The following SLC23A2 variants were observed in gnomAD, a reference collection of about 807,000 sequenced individuals.
SLC23A2 encodes Na(+)/L-ascorbic acid transporter 2.
Under a neutral mutation model 73.3 loss-of-function variants are expected in SLC23A2, and 36 were observed. That is an observed-to-expected ratio of 0.49 (90% CI 0.38 to 0.65). SLC23A2 has a LOEUF of 0.65. Ranked by LOEUF, SLC23A2 falls within the 30% of genes least tolerant of loss-of-function variation. The pLI, the probability that SLC23A2 is intolerant of heterozygous loss-of-function variation, is 0.00. For synonymous variants in SLC23A2, 343 were observed against 327.3 expected (o/e 1.05, Z -0.52); for missense variants, 507 against 841.6 (o/e 0.60, Z 4.92).
intron 9 of SLC23A2, among the ~76,000 whole-genome samples, chr20:4,878,928 T>A (rs1930765972): frequency 1.3e-5 from 2 of 152,236 alleles, no homozygotes; most frequent in African/African-American, 4.8e-5. Flanking sequence ...TCCTCTCTGA[T>A]CTTTTTGGTA....
chr20:4,992,081 G>T (rs1387988386), intron 1 of SLC23A2, among the ~76,000 whole-genome samples: 1 of 152,136 alleles, frequency 6.6e-6, no homozygotes, highest in East Asian at 1.9e-4. Context: ...TTACACTCAA[G>T]CCTGGGGGAC....
In SLC23A2 at chr20:4,996,187, G is replaced by A. The variant is rs1237238315; in HGVS notation, c.-282+5219C>T. On this transcript the variant is annotated intron_variant, in intron 1 of 16. Transcript: ENST00000338244. Reference sequence around the variant, plus strand: ...ACATGGGGCTCTCTTGTCTTTCTAGGGTCCCTTCTATTGCTTGGAGAGGGT... The same window carrying A: ...ACATGGGGCTCTCTTGTCTTTCTAGAGTCCCTTCTATTGCTTGGAGAGGGT... Among the ~76,000 whole-genome samples the A allele has an allele frequency of 3.9e-5, 6 of 152,144 alleles. No individual in the cohort carries two copies. The South Asian group carries it at 8.3e-4, about 21-fold the overall frequency.
At chr20:4,876,116 A>G (rs1309930731) in intron 9 of SLC23A2, among the ~76,000 whole-genome samples, 1 of 152,220 alleles carries the variant, frequency 6.6e-6, no homozygotes, top group Non-Finnish European at 1.5e-5. Context: ...GGGATAGTGA[A>G]GTTTAACAAA....
intron 1 of SLC23A2, among the ~76,000 whole-genome samples, chr20:4,991,285 A>T (rs1357143727): frequency 6.6e-6 from 1 of 151,936 alleles, no homozygotes; most frequent in Non-Finnish European, 1.5e-5. Context: ...CACTTTAAAA[A>T]TTTTTGCAGA....
intron 2 of SLC23A2, among the ~76,000 whole-genome samples, chr20:4,965,966 C>CAAA (rs3055921): frequency 0.45 from 44,807 of 99,116 alleles, 8,562 homozygotes; most frequent in Admixed American, 0.51. Flanking sequence ...GACTCCATCT[C>CAAA]AAAAAAAAAA....
chr20:4,858,109 C>T (rs1200422693), intron 16 of SLC23A2, among the ~76,000 whole-genome samples: 1 of 152,208 alleles, frequency 6.6e-6, no homozygotes, highest in African/African-American at 2.4e-5. Flanking sequence ...CATTCACCCC[C>T]CCATCTAGAC....
At position 5,008,073 on chromosome 20, in the gene SLC23A2, C is replaced by T. The variant is rs1251033473; in HGVS notation, c.-282+2109G>A. 8.5e-5 allele frequency among the ~76,000 whole-genome samples: 13 copies of T among 152,150 alleles called. 1 individual carries two copies. In the South Asian group the frequency reaches 2.7e-3, roughly 32 times the overall value. The stretch of plus-strand genomic sequence containing the variant: ...TACAGGCATGCGCCACCACACCCGG[C>T]TAATTTTTGTATTTTTAGTAGAGAT... On this transcript the variant is annotated intron_variant, in intron 1 of 16. Transcript: ENST00000379333.
Position 4,902,678 on chromosome 20 carries a change from A to G in SLC23A2, c.208-120T>C. 1 of 569,854 alleles carries G rather than the reference A, an allele frequency of 1.8e-6. No individual in the cohort carries two copies. The highest frequency in any genetic ancestry group is 3.1e-6 in the Non-Finnish European group (1 of 319,332). The allele number at this position is 569,854 out of a possible 1,614,324, so 35.3% of individuals were successfully genotyped here. Reference sequence around the variant, plus strand: ...TATCAAGTGGTTGCCATCTTCCTGCAGTTTTGAGCCTTGGCTATCTTTGAA... The same window carrying G: ...TATCAAGTGGTTGCCATCTTCCTGCGGTTTTGAGCCTTGGCTATCTTTGAA... On this transcript the variant is annotated intron_variant, in intron 4 of 16. Coordinates refer to ENST00000338244, the MANE Select transcript of SLC23A2 (RefSeq NM_005116.6). The surrounding 1 kb of genome is among the most constrained non-coding windows in gnomAD (Gnocchi z 4.0).
chr20:4,921,690 C>T (rs1716819519), intron 3 of SLC23A2, among the ~76,000 whole-genome samples: 1 of 151,534 alleles, frequency 6.6e-6, no homozygotes, highest in South Asian at 2.1e-4. Context: ...GTTTTTCTGG[C>T]TAGTGAGATT....
At chr20:4,952,131 A>G (rs999743729) in intron 2 of SLC23A2, among the ~76,000 whole-genome samples, 6 of 150,388 alleles carry the variant, frequency 4.0e-5, no homozygotes, top group Non-Finnish European at 8.9e-5. Context: ...AAAAAAAAGA[A>G]CAAATGGAGC....
intron 4 of SLC23A2, among the ~76,000 whole-genome samples, chr20:4,906,577 G>A (rs1931963700): frequency 1.3e-5 from 2 of 152,140 alleles, no homozygotes; most frequent in African/African-American, 4.8e-5. Flanking sequence ...CCAAGATCGT[G>A]CCACTGCACT....
intron 4 of SLC23A2, among the ~76,000 whole-genome samples, chr20:4,910,980 G>A (rs1286997315): frequency 6.6e-6 from 1 of 152,134 alleles, no homozygotes; most frequent in East Asian, 1.9e-4. Context: ...GTAAAGCTAA[G>A]CCCCAAAGTG....
intron 6 of SLC23A2, among the ~76,000 whole-genome samples, chr20:4,898,980 G>A (rs972602121): frequency 1.3e-5 from 2 of 152,174 alleles, no homozygotes; most frequent in African/African-American, 2.4e-5. Flanking sequence ...GGTAGACAGC[G>A]GGCCCTTGGG....
Position 4,857,326 on chromosome 20 carries a change from ACACACACACATG to A in SLC23A2, c.1721-134_1721-123del. On this transcript the variant is annotated intron_variant, in intron 16 of 16. Transcript: ENST00000338244. The surrounding 1 kb of genome is among the most constrained non-coding windows in gnomAD (Gnocchi z 4.0). Reference sequence around the variant, plus strand: ...CACACACACACACACACACACACACACACACACACATGGTCCCACAGATCAAACCTGCCTAGA... The same window carrying A: ...CACACACACACACACACACACACACAGTCCCACAGATCAAACCTGCCTAGA... 1.5e-5 allele frequency: 8 copies of A among 550,100 alleles called. No homozygotes were observed. The South Asian group carries it at 1.8e-4, about 12-fold the overall frequency. The allele number at this position is 550,100 out of a possible 1,614,324, so 34.1% of individuals were successfully genotyped here. A position where few individuals can be genotyped will look rare whatever the true frequency, so the allele number is the denominator to read the frequency against.
intron 13 of SLC23A2, among the ~76,000 whole-genome samples, chr20:4,866,426 G>C (rs968266126): frequency 9.8e-5 from 15 of 152,340 alleles, no homozygotes; most frequent in Admixed American, 7.8e-4. Flanking sequence ...GAGTGGCATG[G>C]CTTAGGCCCC....
intron 1 of SLC23A2, among the ~76,000 whole-genome samples, chr20:4,978,616 G>T (rs1416866471): frequency 6.6e-6 from 1 of 152,180 alleles, no homozygotes. Flanking sequence ...GGGAAACAGA[G>T]TCTTATCCCC....
chr20:4,955,163 G>C (rs966565988), intron 2 of SLC23A2, among the ~76,000 whole-genome samples: 2 of 152,018 alleles, frequency 1.3e-5, no homozygotes, highest in Non-Finnish European at 2.9e-5. Flanking sequence ...TGAGGTAGGA[G>C]GACTGGCTTG....
intron 3 of SLC23A2, among the ~76,000 whole-genome samples, chr20:4,925,138 A>G (rs1932627209): frequency 6.6e-6 from 1 of 151,668 alleles, no homozygotes; most frequent in African/African-American, 2.4e-5. Flanking sequence ...AGCCATGATG[A>G]TGACACTGCA....
intron 2 of SLC23A2, among the ~76,000 whole-genome samples, chr20:4,968,279 C>A (rs1021586060): frequency 6.6e-6 from 1 of 152,120 alleles, no homozygotes; most frequent in African/African-American, 2.4e-5. Flanking sequence ...GATGCCACTA[C>A]GGAGGTCCAG....
Sources: gnomAD v4.1 joint callset for allele counts (sites outside exome capture counted in the v4.1 genomes callset) on GRCh38, gnomAD v4.1.1 for gene constraint, Gnocchi (gnomAD v3.1) non-coding constraint, MANE v1.5 for transcripts, NCBI Gene and HGNC (gene_info 2026-07-23, HGNC 2026-07-21) for gene names.